Variants in FABP3 observed in about 807,000 individuals in gnomAD.
The protein encoded by FABP3 is fatty acid binding protein 3, also known as fatty acid-binding protein, heart.
In FABP3, 8 loss-of-function variants were observed where a neutral mutation model predicts 13.4. That is an observed-to-expected ratio of 0.60 (90% CI 0.35 to 1.07). The LOEUF (loss-of-function observed/expected upper bound fraction) is 1.07. Among genes scored for constraint, FABP3 ranks in the 50% least tolerant of loss-of-function variants. The pLI is 0.02. For missense variants in FABP3, 135 were observed against 164.7 expected (o/e 0.82, Z 0.99); for synonymous variants, 64 against 60.0 (o/e 1.07, Z -0.31).
chr1:31,361,422 A>T (rs1031152658), downstream of FABP3, among the ~76,000 whole-genome samples: 6 of 152,244 alleles, frequency 3.9e-5, no homozygotes, highest in African/African-American at 1.4e-4. Context: ...ACCTCATAGC[A>T]TCCTTTGAAA....
chr1:31,364,433 C>T (rs144990056), downstream of FABP3: 432 of 581,302 alleles, frequency 7.4e-4, 1 homozygote, highest in Admixed American at 1.9e-3. Context: ...CCCTGCAGCT[C>T]ACCCATTCAT....
At chr1:31,370,686 C>T (rs1640193639) in intron 1 of FABP3, among the ~76,000 whole-genome samples, 1 of 152,228 alleles carries the variant, frequency 6.6e-6, no homozygotes, top group East Asian at 1.9e-4. Flanking sequence ...CCAAGCATGG[C>T]TTCCTTGGGT....
intron 2 of FABP3, among the ~76,000 whole-genome samples, chr1:31,368,448 G>A (rs1640149280): frequency 6.6e-6 from 1 of 152,150 alleles, no homozygotes; most frequent in Admixed American, 6.5e-5. Context: ...GTCCAAGGAG[G>A]TATGAGCAGG....
At chr1:31,372,835 T>C in intron 1 of FABP3, 107 bp downstream of exon 1, 1 of 1,125,138 alleles carries the variant, frequency 8.9e-7, no homozygotes. Context: ...CGCGCTCCCC[T>C]ATTCCCCAGT....
At chr1:31,361,320 C>T (rs774039177), downstream of FABP3, among the ~76,000 whole-genome samples, 3 of 152,210 alleles carry the variant, frequency 2.0e-5, no homozygotes, top group Non-Finnish European at 4.4e-5. Flanking sequence ...GCTGTCAGAA[C>T]ATCCTGGGAG....
At chr1:31,370,085 CAG>C (rs769238135) in intron 1 of FABP3, among the ~76,000 whole-genome samples, 26 of 122,632 alleles carry the variant, frequency 2.1e-4, no homozygotes, top group Non-Finnish European at 9.8e-5. Flanking sequence ...GCCTAGCCAA[CAG>C]AGTGAGATTC....
At chr1:31,363,258 A>T (rs1209773765), downstream of FABP3, among the ~76,000 whole-genome samples, 1 of 146,540 alleles carries the variant, frequency 6.8e-6, no homozygotes, top group Non-Finnish European at 1.5e-5. Context: ...ATCTTAGCTC[A>T]CTGCAAGCTC....
At chr1:31,372,839 C>G (rs2279885) in intron 1 of FABP3, 103 bp downstream of exon 1, 54,705 of 1,162,992 alleles carry the variant, frequency 0.047, 3,483 homozygotes, top group South Asian at 0.2. Flanking sequence ...CTCCCCTATT[C>G]CCCAGTCTTA....
rs1640151466 is a variant in FABP3 at position 31,368,623 on chromosome 1, A to G, written c.246+762T>C. On this transcript the variant is annotated intron_variant, in intron 2 of 3. Coordinates refer to ENST00000373713, the MANE Select transcript of FABP3 (RefSeq NM_004102.5). Reference sequence around the variant, plus strand: ...TAGTGTCATGATAGAACACTGCTATAGGGACACCCTATAGAGGTCAAAGCC... The same window carrying G: ...TAGTGTCATGATAGAACACTGCTATGGGGACACCCTATAGAGGTCAAAGCC... Among the ~76,000 whole-genome samples, 3 of 152,324 alleles carry G rather than the reference A, an allele frequency of 2.0e-5. No individual in the cohort carries two copies. In the South Asian group the frequency reaches 6.2e-4, roughly 32 times the overall value.
At chr1:31,361,120 G>A (rs886558265), downstream of FABP3, among the ~76,000 whole-genome samples, 2 of 152,208 alleles carry the variant, frequency 1.3e-5, no homozygotes, top group Non-Finnish European at 2.9e-5. Context: ...CATCCAGGAA[G>A]GTTCAGCAAC....
In FABP3 at chr1:31,372,988, C is replaced by G. The variant is rs191192801; in HGVS notation, c.27G>C (p.Trp9Cys). The change falls in exon 1 of 4, where the codon TGG becomes TGC. Residue 9 changes from tryptophan (W) to cysteine (C), a missense_variant. Transcript: ENST00000373713. MVDAFLGT[W>C]KLVDSKNFDD... Reference sequence around the variant, plus strand: ...CGAAATTCTTGCTGTCCACTAGCTTCCAGGTGCCCAGGAAAGCGTCCACCA... The same window carrying G: ...CGAAATTCTTGCTGTCCACTAGCTTGCAGGTGCCCAGGAAAGCGTCCACCA... 2 of 1,614,078 alleles carry G rather than the reference C, an allele frequency of 1.2e-6. No homozygotes were observed. Among genetic ancestry groups the G allele is most frequent in the Non-Finnish European group, 8.5e-7 (1 of 1,180,036 alleles).
downstream of FABP3, among the ~76,000 whole-genome samples, chr1:31,362,441 G>A (rs1639943741): frequency 6.6e-6 from 1 of 152,180 alleles, no homozygotes; most frequent in South Asian, 2.1e-4. Flanking sequence ...GATTTATGCC[G>A]TGCTTAAAAT....
chr1:31,364,321 G>A (rs76897038), downstream of FABP3: 70 of 1,422,686 alleles, frequency 4.9e-5, no homozygotes, highest in East Asian at 1.6e-3. Flanking sequence ...ATGGGAGATG[G>A]CTTCCCCTCA....
In FABP3 at chr1:31,365,843, G is replaced by T. The variant is rs202201820; in HGVS notation, c.*43C>A. ...AGGCAATGTGGTGCTGAGTCGAGGG[G>T]TAGCCGATTGGCAGAGTAGTAGTCA... On this transcript the variant is annotated 3_prime_UTR_variant, in exon 4 of 4. Transcript: ENST00000373713. The T allele has an allele frequency of 2.4e-3, 3,855 of 1,583,714 alleles. 6 individuals are homozygous for T. The highest frequency in any genetic ancestry group is 3.1e-3 in the Non-Finnish European group (3,529 of 1,152,434).
chr1:31,365,716 A>AAC lies in FABP3; in HGVS notation c.*169_*170insGT, dbSNP rs1640093154. On this transcript the variant is annotated 3_prime_UTR_variant, in exon 4 of 4. Transcript: ENST00000373713. ...CTATGAGTGCAGTTAAAAAAAAAAAAAAAAAACCACATACACCATGGGAAC... is the reference window on the plus strand; with the variant it reads ...CTATGAGTGCAGTTAAAAAAAAAAAAACAAAAAACCACATACACCATGGGAAC... 2.3e-5 allele frequency: 14 copies of AAC among 611,480 alleles called. No homozygotes were observed. The highest frequency in any genetic ancestry group is 1.1e-4 in the African/African-American group (6 of 53,434). The allele number at this position is 611,480 out of a possible 1,614,324, so 37.9% of individuals were successfully genotyped here.
rs1640234723 is a variant in FABP3, at chr1:31,372,981, C to T, written c.34G>A (p.Val12Met). 2 of 1,613,950 alleles carry T rather than the reference C, an allele frequency of 1.2e-6. No homozygotes were observed. Among genetic ancestry groups the T allele is most frequent in the African/African-American group, 2.7e-5 (2 of 74,952 alleles). ...VDAFLGTWKL[V>M]DSKNFDDYMK... is the part of the protein sequence containing the mutation. ...TAGTCATCGAAATTCTTGCTGTCCA[C>T]TAGCTTCCAGGTGCCCAGGAAAGCG... Residue 12 changes from valine to methionine, a missense_variant, in exon 1 of 4, where the codon GTG becomes ATG. Val to Met is a conservative substitution (Grantham distance 21). Transcript: ENST00000373713.
chr1:31,363,891 G>A, downstream of FABP3: 1 of 1,344,274 alleles, frequency 7.4e-7, no homozygotes, highest in Non-Finnish European at 9.9e-7. Context: ...TTGAACTCCT[G>A]GCCTCAAGCA....
At chr1:31,359,696 A>T in the FABP3 span, among the ~76,000 whole-genome samples, 1 of 152,188 alleles carries the variant, frequency 6.6e-6, no homozygotes, top group East Asian at 1.9e-4. Context: ...CTAACAAGGG[A>T]TATGTGCTTT....
chr1:31,364,295 C>T (rs1177252934), downstream of FABP3: 30 of 1,454,188 alleles, frequency 2.1e-5, no homozygotes, highest in Non-Finnish European at 2.7e-5. Context: ...CCTCCCACCC[C>T]ATTAACTTCG....
Sources: gnomAD v4.1 joint callset for allele counts (sites outside exome capture counted in the v4.1 genomes callset) on GRCh38, gnomAD v4.1.1 for gene constraint, MANE v1.5 for transcripts, NCBI Gene and HGNC (gene_info 2026-07-23, HGNC 2026-07-21) for gene names.